The following CTNNA2 variants were observed in gnomAD, a reference collection of about 807,000 sequenced individuals.
CTNNA2 encodes catenin alpha-2.
In CTNNA2, 42 loss-of-function variants were observed where a neutral mutation model predicts 101.0. The ratio of observed to expected loss-of-function variants is 0.42; its 90% CI spans 0.32 to 0.54. The LOEUF is 0.54. CTNNA2 is among the 20% of genes least tolerant of loss of function. The pLI, the probability that CTNNA2 is intolerant of heterozygous loss-of-function variation, is 0.14. For synonymous variants in CTNNA2, 450 were observed against 456.4 expected (o/e 0.99, Z 0.18); for missense variants, 871 against 1,223.1 (o/e 0.71, Z 4.29).
chr2:80,036,405 C>A (rs1372040095), intron 7 of CTNNA2, among the ~76,000 whole-genome samples: 2 of 151,978 alleles, frequency 1.3e-5, no homozygotes, highest in African/African-American at 2.4e-5. Flanking sequence ...ACCATCCCTG[C>A]AACATAGCAA....
At chr2:80,253,579 A>T (rs557049729) in intron 7 of CTNNA2, among the ~76,000 whole-genome samples, 374 of 152,126 alleles carry the variant, frequency 2.5e-3, no homozygotes, top group African/African-American at 8.3e-3. Flanking sequence ...GCTTGGTTTT[A>T]ATGTGTATCT....
intron 7 of CTNNA2, among the ~76,000 whole-genome samples, chr2:80,367,239 T>G: frequency 6.6e-6 from 1 of 152,100 alleles, no homozygotes; most frequent in Admixed American, 6.6e-5. Context: ...TGTTTTTCCC[T>G]TCTATTCTGG....
intron 18 of CTNNA2, among the ~76,000 whole-genome samples, chr2:80,628,598 C>T (rs1242485789): frequency 1.3e-5 from 2 of 151,866 alleles, no homozygotes; most frequent in East Asian, 1.9e-4. Context: ...TATACAAAAC[C>T]TATTCTTTGT....
intron 7 of CTNNA2, among the ~76,000 whole-genome samples, chr2:80,389,342 G>T (rs1677292129): frequency 6.6e-6 from 1 of 152,018 alleles, no homozygotes; most frequent in Admixed American, 6.5e-5. Context: ...AAAAAATGGG[G>T]TAAATGGTTA....
chr2:80,318,143 C>G (rs1678313835), intron 7 of CTNNA2, among the ~76,000 whole-genome samples: 1 of 152,058 alleles, frequency 6.6e-6, no homozygotes, highest in East Asian at 1.9e-4. Context: ...GTGCTAAGTG[C>G]TAAGCTATAT....
chr2:79,369,889 G>A (rs1015836287), intron 3 of CTNNA2, among the ~76,000 whole-genome samples: 2 of 152,146 alleles, frequency 1.3e-5, no homozygotes, highest in African/African-American at 4.8e-5. Flanking sequence ...AATTGCTAGC[G>A]TGTAATTTCA....
chr2:80,461,694 T>C (rs896021480), intron 9 of CTNNA2, among the ~76,000 whole-genome samples: 6 of 152,060 alleles, frequency 3.9e-5, no homozygotes, highest in African/African-American at 1.4e-4. Context: ...AAAAAAAAAG[T>C]CTTTTGAACT....
chr2:80,126,118 C>G (rs757088017), intron 7 of CTNNA2, among the ~76,000 whole-genome samples: 1 of 152,100 alleles, frequency 6.6e-6, no homozygotes, highest in Non-Finnish European at 1.5e-5. Flanking sequence ...TCTGCTCCTG[C>G]TTCTTTGCCT....
At position 80,342,980 on chromosome 2, in the gene CTNNA2, G is replaced by A. The variant is rs562613877; in HGVS notation, c.1057-50231G>A. Among the ~76,000 whole-genome samples, 41 of 152,238 alleles carry A rather than the reference G, an allele frequency of 2.7e-4. 1 individual carries two copies. In the South Asian group the frequency reaches 7.5e-3, roughly 28 times the overall value. ...GCCTCAAATGTTGTTTGACTTGTAG[G>A]TGGTGATCTCCCTGTGTCCCTGTGA... On this transcript the variant is annotated intron_variant, in intron 7 of 18. Coordinates refer to ENST00000402739, the MANE Select transcript of CTNNA2 (RefSeq NM_001282597.3).
At chr2:80,066,058 G>C (rs953574224) in intron 7 of CTNNA2, among the ~76,000 whole-genome samples, 1 of 152,206 alleles carries the variant, frequency 6.6e-6, no homozygotes, top group Non-Finnish European at 1.5e-5. Flanking sequence ...GTGGTAGCCA[G>C]TGTTCAGGAT....
At chr2:80,152,899 G>C (rs1703793063) in intron 7 of CTNNA2, among the ~76,000 whole-genome samples, 1 of 152,118 alleles carries the variant, frequency 6.6e-6, no homozygotes, top group Non-Finnish European at 1.5e-5. Context: ...AAAATAACTG[G>C]ATTTACCTTT....
At chr2:80,606,735 G>A (rs1049039334) in intron 16 of CTNNA2, among the ~76,000 whole-genome samples, 1 of 151,820 alleles carries the variant, frequency 6.6e-6, no homozygotes, top group East Asian at 1.9e-4. Context: ...CATTTATTTT[G>A]CCGGAAAATA....
intron 7 of CTNNA2, among the ~76,000 whole-genome samples, chr2:80,232,369 TTTTTTTTTTTTTTTTTTTTG>T (rs1709298270): frequency 4.1e-5 from 3 of 72,422 alleles, no homozygotes; most frequent in Admixed American, 2.8e-4. Flanking sequence ...TTTTTTTTTT[TTTTTTTTTTTTTTTTTTTTG>T]TTAACACTAG....
At chr2:79,803,043 A>G (rs1280330868) in intron 3 of CTNNA2, among the ~76,000 whole-genome samples, 4 of 152,212 alleles carry the variant, frequency 2.6e-5, no homozygotes. Flanking sequence ...CTTTTTAATA[A>G]TTGTGTTATA....
At chr2:79,691,570 A>T (rs1328668025) in intron 2 of CTNNA2, among the ~76,000 whole-genome samples, 2 of 152,144 alleles carry the variant, frequency 1.3e-5, no homozygotes, top group African/African-American at 4.8e-5. Flanking sequence ...TAGCCAGGAC[A>T]ATCCTAAGCA....
At chr2:79,665,805 A>G (rs1044046787) in intron 2 of CTNNA2, among the ~76,000 whole-genome samples, 4 of 152,206 alleles carry the variant, frequency 2.6e-5, no homozygotes, top group African/African-American at 9.6e-5. Flanking sequence ...TTTATTTTTT[A>G]TTTTTAGAAT....
chr2:80,111,555 T>C (rs1701209763), intron 7 of CTNNA2, among the ~76,000 whole-genome samples: 1 of 152,198 alleles, frequency 6.6e-6, no homozygotes, highest in African/African-American at 2.4e-5. Flanking sequence ...CTTTTCTTTT[T>C]TGAGACAGGA....
chr2:79,768,886 A>G (rs893167042), intron 3 of CTNNA2, among the ~76,000 whole-genome samples: 22 of 151,990 alleles, frequency 1.4e-4, no homozygotes, highest in South Asian at 4.2e-4. Flanking sequence ...ACTGAGTCTC[A>G]CTCTGTCGCC....
intron 1 of CTNNA2, among the ~76,000 whole-genome samples, chr2:79,650,610 T>C (rs1681165956): frequency 6.7e-6 from 1 of 148,576 alleles, no homozygotes; most frequent in Non-Finnish European, 1.5e-5. Context: ...CATAGTCCTC[T>C]CTGTGTTTCT....
Sources: gnomAD v4.1 joint callset for allele counts (sites outside exome capture counted in the v4.1 genomes callset) on GRCh38, gnomAD v4.1.1 for gene constraint, MANE v1.5 for transcripts, NCBI Gene and HGNC (gene_info 2026-07-23, HGNC 2026-07-21) for gene names.